Variants in SARDH observed in about 807,000 individuals in gnomAD.
The protein encoded by SARDH is sarcosine dehydrogenase, also known as sarcosine dehydrogenase, mitochondrial.
SARDH carries 95 observed loss-of-function variants against 109.1 expected under a neutral mutation model. That is an observed-to-expected ratio of 0.87 (90% CI 0.74 to 1.03). The LOEUF is 1.03. Ranked by LOEUF, SARDH falls within the 50% of genes least tolerant of loss-of-function variation. The pLI is 0.00. For missense variants in SARDH, 1,267 were observed against 1,287.8 expected (o/e 0.98, Z 0.25); for synonymous variants, 572 against 534.8 (o/e 1.07, Z -0.96).
Position 133,663,835 on chromosome 9 carries a change from T to A in SARDH, c.*54A>T. On this transcript the variant is annotated 3_prime_UTR_variant, in exon 21 of 21. Coordinates refer to ENST00000439388, the MANE Select transcript of SARDH (RefSeq NM_001134707.2). ...CAGGGTCCTGGGACCCAGGGCCATTTGGGACCTGTGAGAATGGATGGACAG... is the reference window on the plus strand; with the variant it reads ...CAGGGTCCTGGGACCCAGGGCCATTAGGGACCTGTGAGAATGGATGGACAG... 6.2e-7 allele frequency: 1 copy of A among 1,606,776 alleles called. No individual in the cohort carries two copies. The highest frequency in any genetic ancestry group is 8.5e-7 in the Non-Finnish European group (1 of 1,176,018).
downstream of SARDH, among the ~76,000 whole-genome samples, chr9:133,663,141 C>T (rs1829939854): frequency 6.6e-6 from 1 of 152,216 alleles, no homozygotes; most frequent in Non-Finnish European, 1.5e-5. Flanking sequence ...TACCCAGCAG[C>T]ACGTCCCTCC....
intron 2 of SARDH, 81 bp downstream of exon 2, chr9:133,733,762 G>C: frequency 7.6e-7 from 1 of 1,310,756 alleles, no homozygotes; most frequent in Non-Finnish European, 1.0e-6. Flanking sequence ...TGTGAACCAA[G>C]AACTGTCCCA....
At chr9:133,732,801 C>T (rs1444466219) in intron 2 of SARDH, among the ~76,000 whole-genome samples, 200 bp from the exon 3 acceptor site, 3 of 152,198 alleles carry the variant, frequency 2.0e-5, no homozygotes, top group African/African-American at 7.2e-5. Flanking sequence ...AGGTCCCGCC[C>T]TTGGGCAGCT....
At chr9:133,661,765 G>C (rs985970478), downstream of SARDH, among the ~76,000 whole-genome samples, 2 of 152,232 alleles carry the variant, frequency 1.3e-5, no homozygotes, top group African/African-American at 4.8e-5. Context: ...ACAGGCGTCA[G>C]TCACTGCGCC....
In SARDH at chr9:133,686,849, C is replaced by T. The variant is rs1386352152; in HGVS notation, c.2070-1563G>A. Among the ~76,000 whole-genome samples, 1 of 152,220 alleles carries T rather than the reference C, an allele frequency of 6.6e-6. No homozygotes were observed. Among genetic ancestry groups the T allele is most frequent in the Non-Finnish European group, 1.5e-5 (1 of 68,048 alleles). On this transcript the variant is annotated intron_variant, in intron 16 of 20. Coordinates refer to ENST00000439388, the MANE Select transcript of SARDH (RefSeq NM_001134707.2). The surrounding 1 kb of genome is among the most constrained non-coding windows in gnomAD (Gnocchi z 4.0). ...AGACCCTTATGTAACCACTCAGCAC[C>T]CACGTGGTGCCAAGCCCTGGAGAGT...
chr9:133,682,079 C>T (rs1185126918), intron 17 of SARDH, among the ~76,000 whole-genome samples: 1 of 152,338 alleles, frequency 6.6e-6, no homozygotes, highest in South Asian at 2.1e-4. Context: ...CACATACCTC[C>T]GACCTGGTGG....
chr9:133,713,998 G>A (rs1001600542), intron 8 of SARDH, among the ~76,000 whole-genome samples: 3 of 152,306 alleles, frequency 2.0e-5, no homozygotes, highest in Admixed American at 6.5e-5. Context: ...AGACGGTCTC[G>A]TAAAGAAAAT....
chr9:133,667,194 GTTT>G (rs59643474), intron 19 of SARDH: 93,884 of 319,184 alleles, frequency 0.29, 7,171 homozygotes, highest in Admixed American at 0.37. Context: ...TTCAACTCTG[GTTT>G]TTTTTTTTTT....
At chr9:133,702,729 A>G (rs1831536555) in intron 13 of SARDH, among the ~76,000 whole-genome samples, 187 bp downstream of exon 13, 1 of 152,064 alleles carries the variant, frequency 6.6e-6, no homozygotes, top group Admixed American at 6.5e-5. Context: ...GCACAGAGGG[A>G]GGAGGGGGAG....
At chr9:133,682,120 T>C (rs1271805004) in intron 17 of SARDH, among the ~76,000 whole-genome samples, 2 of 152,080 alleles carry the variant, frequency 1.3e-5, no homozygotes, top group Admixed American at 6.6e-5. Flanking sequence ...AGACCAACAG[T>C]CAGCATCTAC....
chr9:133,714,911 G>C (rs1034430884), intron 8 of SARDH, among the ~76,000 whole-genome samples: 17 of 152,196 alleles, frequency 1.1e-4, no homozygotes, highest in Admixed American at 6.5e-5. Context: ...GGGAATCTGC[G>C]GGGAGCGCTA....
Position 133,718,802 on chromosome 9 carries a change from TG to T in SARDH, c.1020+135del. 1 of 809,102 alleles carries T rather than the reference TG, an allele frequency of 1.2e-6. No individual in the cohort carries two copies. The highest frequency in any genetic ancestry group is 2.5e-5 in the East Asian group (1 of 39,996). The allele number at this position is 809,102 out of a possible 1,614,324, so 50.1% of individuals were successfully genotyped here. On this transcript the variant is annotated intron_variant, in intron 7 of 20. Transcript: ENST00000439388. The surrounding 1 kb of genome is among the most constrained non-coding windows in gnomAD (Gnocchi z 4.2). ...AAGAGCAAGATGGCTTTGAGCTTGG[TG>T]GGGTCAGGGGACCGGCCACTTCTCA...
At chr9:133,681,467 C>G (rs1348018661) in intron 17 of SARDH, among the ~76,000 whole-genome samples, 1 of 152,224 alleles carries the variant, frequency 6.6e-6, no homozygotes, top group African/African-American at 2.4e-5. Flanking sequence ...CTGCCTAGGA[C>G]CTCTTTCCAG....
At chr9:133,734,932 G>A (rs1414073461) in intron 1 of SARDH, among the ~76,000 whole-genome samples, 8 of 152,220 alleles carry the variant, frequency 5.3e-5, no homozygotes, top group African/African-American at 1.2e-4. Context: ...CAGGTCCTGC[G>A]GGGTGGGGAT....
intron 20 of SARDH, among the ~76,000 whole-genome samples, chr9:133,665,102 T>G (rs909925796): frequency 6.9e-6 from 1 of 144,776 alleles, no homozygotes; most frequent in Non-Finnish European, 1.5e-5. Flanking sequence ...CCCATTTCCA[T>G]GGTGCAAATG....
chr9:133,660,349 G>A (rs563216970), downstream of SARDH, among the ~76,000 whole-genome samples: 5 of 152,274 alleles, frequency 3.3e-5, no homozygotes, highest in East Asian at 1.9e-4. Flanking sequence ...AAGCCGGGGA[G>A]CTCGAAGTGT....
At chr9:133,676,711 G>A (rs1332895933) in intron 17 of SARDH, among the ~76,000 whole-genome samples, 1 of 152,180 alleles carries the variant, frequency 6.6e-6, no homozygotes, top group Admixed American at 6.5e-5. Flanking sequence ...GAGAGACCGG[G>A]GGGAAAGGCG....
chr9:133,699,174 C>T (rs1185631604), intron 13 of SARDH, among the ~76,000 whole-genome samples: 2 of 152,060 alleles, frequency 1.3e-5, no homozygotes, highest in African/African-American at 4.8e-5. Flanking sequence ...TGGAGAAACC[C>T]CATCTCTACT....
At chr9:133,739,738 T>C (rs1832997048), upstream of SARDH, 1 of 152,290 alleles carries the variant, frequency 6.6e-6, no homozygotes, top group Non-Finnish European at 1.5e-5. Context: ...CCTCTTTGGA[T>C]GGTGTGGCTT....
Sources: allele counts gnomAD v4.1 joint callset (sites outside exome capture counted in the v4.1 genomes callset), GRCh38; gene constraint gnomAD v4.1.1; non-coding constraint Gnocchi (gnomAD v3.1); transcripts MANE v1.5; gene names NCBI Gene and HGNC (gene_info 2026-07-23, HGNC 2026-07-21).